DOCK3: variants seen among roughly 807,000 people sequenced by gnomAD.
DOCK3 encodes the protein dedicator of cytokinesis 3.
Under a neutral mutation model 265.6 loss-of-function variants are expected in DOCK3, and 60 were observed. The observed-to-expected ratio is 0.23, with a 90% CI of 0.18 to 0.28. The LOEUF (loss-of-function observed/expected upper bound fraction) is 0.28, where lower values mean the gene tolerates loss of function less well. Ranked by LOEUF, DOCK3 falls within the 10% of genes least tolerant of loss-of-function variation. DOCK3 has a pLI of 1.00. For synonymous variants in DOCK3, 881 were observed against 938.0 expected (o/e 0.94, Z 1.11); for missense variants, 1,981 against 2,594.3 (o/e 0.76, Z 5.14).
At chr3:51,125,234 T>C (rs2084216768) in intron 9 of DOCK3, among the ~76,000 whole-genome samples, 1 of 152,196 alleles carries the variant, frequency 6.6e-6, no homozygotes, top group African/African-American at 2.4e-5. Context: ...AACCTAAAAG[T>C]TGTTAAGTAC....
intron 25 of DOCK3, among the ~76,000 whole-genome samples, 173 bp from the exon 26 acceptor site, chr3:51,277,435 C>T (rs1436361884): frequency 6.6e-6 from 1 of 152,202 alleles, no homozygotes; most frequent in African/African-American, 2.4e-5. Context: ...TGTGCCTCAC[C>T]TCCTGTCAAA....
At chr3:51,082,818 C>T (rs2082289439) in intron 7 of DOCK3, among the ~76,000 whole-genome samples, 1 of 152,164 alleles carries the variant, frequency 6.6e-6, no homozygotes, top group Admixed American at 6.5e-5. Context: ...GAGGACAGAC[C>T]TATAGGATAG....
At chr3:51,269,071 G>A (rs113839180) in intron 23 of DOCK3, among the ~76,000 whole-genome samples, 2,012 of 148,796 alleles carry the variant, frequency 0.014, 55 homozygotes, top group African/African-American at 0.045. Flanking sequence ...TTGGTGCAAG[G>A]CTCATGTTTC....
intron 12 of DOCK3, among the ~76,000 whole-genome samples, chr3:51,165,119 G>A (rs1353545025): frequency 1.3e-5 from 2 of 151,704 alleles, no homozygotes; most frequent in Non-Finnish European, 2.9e-5. Context: ...TTGTATTTTT[G>A]GTAGAGATGG....
intron 2 of DOCK3, among the ~76,000 whole-genome samples, chr3:50,838,479 C>CTT (rs1459506040): frequency 2.0e-5 from 3 of 152,180 alleles, no homozygotes; most frequent in African/African-American, 7.2e-5. Flanking sequence ...AAATGAGACT[C>CTT]TGATGTGTTC....
intron 36 of DOCK3, 113 bp downstream of exon 36, chr3:51,338,532 C>T: frequency 8.5e-7 from 1 of 1,174,498 alleles, no homozygotes. Context: ...GGGTTTGAAT[C>T]AGGACATCAG....
intron 5 of DOCK3, among the ~76,000 whole-genome samples, chr3:50,990,083 A>T (rs1034729892): frequency 1.3e-5 from 2 of 152,202 alleles, no homozygotes; most frequent in Admixed American, 1.3e-4. Context: ...TCTCTGAAAT[A>T]AGACAGTCAG....
chr3:50,828,086 G>T (rs1056652985), intron 2 of DOCK3, among the ~76,000 whole-genome samples: 4 of 151,838 alleles, frequency 2.6e-5, no homozygotes, highest in African/African-American at 9.7e-5. Context: ...GCGCCACCAT[G>T]CCTGGCTAAT....
At chr3:50,901,929 A>G (rs1399991567) in intron 4 of DOCK3, among the ~76,000 whole-genome samples, 3 of 152,202 alleles carry the variant, frequency 2.0e-5, no homozygotes, top group Non-Finnish European at 4.4e-5. Flanking sequence ...CCATCTTGCC[A>G]TAAAGAAAGA....
chr3:51,132,498 C>A (rs1281810200), intron 9 of DOCK3, among the ~76,000 whole-genome samples: 3 of 152,124 alleles, frequency 2.0e-5, no homozygotes. Flanking sequence ...GGAGATAAGA[C>A]TGTCACTCAG....
intron 4 of DOCK3, among the ~76,000 whole-genome samples, chr3:50,895,465 T>C (rs1559781544): frequency 1.3e-5 from 2 of 152,006 alleles, no homozygotes; most frequent in Admixed American, 6.6e-5. Context: ...CGTCATAAAC[T>C]GTGTACCCAT....
In DOCK3 at chr3:51,354,937, A is replaced by G. The variant is rs1247312848; in HGVS notation, c.4163A>G (p.Gln1388Arg). The change falls in exon 41 of 53, where the codon CAG (glutamine) becomes CGG (arginine). Residue 1388 changes from glutamine to arginine, a missense_variant. Gln to Arg is a conservative substitution (Grantham distance 43, BLOSUM62 1). Coordinates refer to ENST00000266037, the MANE Select transcript of DOCK3 (RefSeq NM_004947.5). ...HDYERLEAFQ[Q>R]RMLSEFPQAV... ...TACGAGAGGCTGGAGGCCTTCCAGCAGAGGATGCTCAGTGAGTTTCCGCAG... is the reference window on the plus strand; with the variant it reads ...TACGAGAGGCTGGAGGCCTTCCAGCGGAGGATGCTCAGTGAGTTTCCGCAG... 1.2e-6 allele frequency: 2 copies of G among 1,613,858 alleles called. No individual in the cohort carries two copies. Among genetic ancestry groups the G allele is most frequent in the Non-Finnish European group, 1.7e-6 (2 of 1,179,870 alleles).
At chr3:51,287,555 G>A (rs2081475035) in intron 27 of DOCK3, among the ~76,000 whole-genome samples, 1 of 151,806 alleles carries the variant, frequency 6.6e-6, no homozygotes, top group Admixed American at 6.6e-5. Flanking sequence ...TCTCAAAATA[G>A]TAAAAATTAA....
At chr3:50,870,452 G>T (rs1158578721) in intron 3 of DOCK3, among the ~76,000 whole-genome samples, 1 of 151,916 alleles carries the variant, frequency 6.6e-6, no homozygotes, top group African/African-American at 2.4e-5. Flanking sequence ...GTTTCCATTG[G>T]TATGGAATAT....
At chr3:51,100,963 T>TA (rs963175531) in intron 9 of DOCK3, among the ~76,000 whole-genome samples, 2 of 150,848 alleles carry the variant, frequency 1.3e-5, no homozygotes, top group East Asian at 1.9e-4. Context: ...CCTGGCTAAT[T>TA]AAAAAAAAAT....
chr3:51,284,504 G>A (rs2081303163), intron 27 of DOCK3, among the ~76,000 whole-genome samples: 1 of 152,120 alleles, frequency 6.6e-6, no homozygotes. Context: ...TTTTAAATGG[G>A]CACACAAACA....
At chr3:50,778,837 T>A in intron 2 of DOCK3, 79 bp downstream of exon 2, 1 of 977,330 alleles carries the variant, frequency 1.0e-6, no homozygotes. Context: ...GCTAATAAGA[T>A]TATAAGCAAT....
chr3:50,685,086 A>G (rs1473906408), intron 1 of DOCK3, among the ~76,000 whole-genome samples: 1 of 152,008 alleles, frequency 6.6e-6, no homozygotes, highest in African/African-American at 2.4e-5. Context: ...CATACTGCTT[A>G]TATTGTCTTA....
chr3:51,174,211 T>A (rs2086826660), intron 12 of DOCK3, among the ~76,000 whole-genome samples: 1 of 152,174 alleles, frequency 6.6e-6, no homozygotes, highest in African/African-American at 2.4e-5. Flanking sequence ...TCCCAGCACT[T>A]TGGGAGGCTG....
Sources: allele counts gnomAD v4.1 joint callset (sites outside exome capture counted in the v4.1 genomes callset), GRCh38; gene constraint gnomAD v4.1.1; transcripts MANE v1.5; gene names NCBI Gene and HGNC (gene_info 2026-07-23, HGNC 2026-07-21).